The following LRRN2 variants were observed in gnomAD, a reference collection of about 807,000 sequenced individuals.
LRRN2 encodes leucine rich repeat neuronal 2, also known as leucine-rich repeat neuronal protein 2.
Under a neutral mutation model 35.7 loss-of-function variants are expected in LRRN2, and 10 were observed. The observed-to-expected ratio is 0.28, with a 90% confidence interval of 0.17 to 0.47. LRRN2 has a LOEUF of 0.47. Among genes scored for constraint, LRRN2 ranks in the 20% least tolerant of loss-of-function variants. The probability of loss-of-function intolerance (pLI) is 0.99; values close to 1 mark genes in which losing one functional copy is unlikely to be tolerated. For missense variants in LRRN2, 731 were observed against 940.3 expected (o/e 0.78, Z 2.91); for synonymous variants, 391 against 409.6 (o/e 0.95, Z 0.55).
intron 1 of LRRN2, among the ~76,000 whole-genome samples, chr1:204,677,806 G>C (rs1405524589): frequency 6.6e-6 from 1 of 152,212 alleles, no homozygotes; most frequent in Non-Finnish European, 1.5e-5. Flanking sequence ...CTGGATAATG[G>C]ATTTCCTTCT....
intron 1 of LRRN2, among the ~76,000 whole-genome samples, chr1:204,683,230 C>T (rs912695368): frequency 6.6e-6 from 1 of 152,184 alleles, no homozygotes; most frequent in African/African-American, 2.4e-5. Flanking sequence ...GCAAAGTCAA[C>T]AGTGCATGTG....
intron 1 of LRRN2, among the ~76,000 whole-genome samples, chr1:204,661,559 A>C (rs1402343687): frequency 1.3e-5 from 2 of 152,176 alleles, no homozygotes; most frequent in African/African-American, 2.4e-5. Context: ...GCTGTCGGGA[A>C]TCTGCATCTG....
intron 1 of LRRN2, among the ~76,000 whole-genome samples, chr1:204,630,414 G>C (rs1457197191): frequency 6.6e-6 from 1 of 152,152 alleles, no homozygotes; most frequent in African/African-American, 2.4e-5. Context: ...GAAAGGCCAA[G>C]CCCCTTCTAA....
chr1:204,637,360 G>T (rs567242032), intron 1 of LRRN2, among the ~76,000 whole-genome samples: 1 of 152,294 alleles, frequency 6.6e-6, no homozygotes, highest in East Asian at 1.9e-4. Context: ...CTCAAGCCAG[G>T]GCACATATAG....
At chr1:204,651,278 T>G (rs1668219066) in intron 1 of LRRN2, among the ~76,000 whole-genome samples, 1 of 152,064 alleles carries the variant, frequency 6.6e-6, no homozygotes, top group Non-Finnish European at 1.5e-5. Flanking sequence ...TCAGATAGAG[T>G]CCAGCTGGCT....
intron 1 of LRRN2, among the ~76,000 whole-genome samples, chr1:204,676,011 G>A (rs1668815994): frequency 2.0e-5 from 3 of 152,222 alleles, no homozygotes; most frequent in Admixed American, 2.0e-4. Flanking sequence ...GGGGAGGAAA[G>A]AATGAGGACT....
chr1:204,640,697 C>G (rs950677225), intron 1 of LRRN2, among the ~76,000 whole-genome samples: 4 of 152,144 alleles, frequency 2.6e-5, no homozygotes, highest in African/African-American at 9.7e-5. Context: ...CCATGAGGTT[C>G]TGGGATCTCC....
chr1:204,630,817 C>T (rs895864831), intron 1 of LRRN2, among the ~76,000 whole-genome samples: 6 of 152,086 alleles, frequency 3.9e-5, no homozygotes, highest in Non-Finnish European at 7.4e-5. Flanking sequence ...CTGCTTCCTG[C>T]CTTCCACTCC....
rs11306645 is a variant in LRRN2, at chr1:204,624,755, ACC to A, written c.-226-4539_-226-4538del. Reference sequence around the variant, plus strand: ...TCCTCTCCCTGGCGGTTCCCCCCCCACCCCCCCCCCCGGGAGCTGAGGGTCCA... The same window carrying A: ...TCCTCTCCCTGGCGGTTCCCCCCCCACCCCCCCCCGGGAGCTGAGGGTCCA... On this transcript the variant is annotated intron_variant, in intron 1 of 1. Transcript: ENST00000367177. Among the ~76,000 whole-genome samples the A allele has an allele frequency of 2.1e-3, 222 of 107,616 alleles. 4 individuals carry two copies. Among genetic ancestry groups the A allele is most frequent in the African/African-American group, 5.6e-3 (156 of 27,910 alleles). 70.6% of individuals were successfully genotyped at this position (107,616 alleles called of 152,430 possible).
chr1:204,671,645 A>AGT (rs1558422524), intron 1 of LRRN2, among the ~76,000 whole-genome samples: 214 of 140,494 alleles, frequency 1.5e-3, no homozygotes, highest in African/African-American at 5.5e-3. Flanking sequence ...TTGATGGTAA[A>AGT]AAAAAAAAAA....
At position 204,664,846 on chromosome 1, in the gene LRRN2, C is replaced by T. The variant is rs187841516; in HGVS notation, c.-227+20474G>A. Among the ~76,000 whole-genome samples the T allele has an allele frequency of 1.8e-3, 275 of 152,250 alleles. 1 individual carries two copies. The highest frequency in any genetic ancestry group is 6.2e-3 in the African/African-American group (257 of 41,530). On this transcript the variant is annotated intron_variant, in intron 1 of 1. Transcript: ENST00000367177. The stretch of plus-strand genomic sequence containing the variant: ...CCTCTGGGGTCAGTCCTCTGCCGTC[C>T]GGCAGGCCCATCCTCCACTCCCCAT...
intron 1 of LRRN2, among the ~76,000 whole-genome samples, chr1:204,624,153 C>T (rs914424834): frequency 1.3e-5 from 2 of 152,198 alleles, no homozygotes; most frequent in Non-Finnish European, 2.9e-5. Flanking sequence ...GTCCTCAGCT[C>T]CTCCACGCAC....
intron 1 of LRRN2, among the ~76,000 whole-genome samples, chr1:204,668,735 C>A (rs1471306254): frequency 6.6e-6 from 1 of 152,194 alleles, no homozygotes; most frequent in African/African-American, 2.4e-5. Context: ...ATAATACACA[C>A]CCCAGCTTCC....
At chr1:204,658,573 G>A (rs1668407785) in intron 1 of LRRN2, among the ~76,000 whole-genome samples, 1 of 152,140 alleles carries the variant, frequency 6.6e-6, no homozygotes, top group African/African-American at 2.4e-5. Context: ...GGACAGACAT[G>A]GGGTGACATG....
rs779618377 is a variant in LRRN2, at chr1:204,618,328, G to A, written c.1665C>T (p.Asn555=). The change falls in exon 2 of 2, where the codon AAC becomes AAT. Residue 555 remains asparagine (N), a synonymous_variant. Transcript: ENST00000367177. Reference sequence around the variant, plus strand: ...GGGAGGAGGCACTGGACCAGGTGAGGTTGGTGGACACTGTGTTGGGTGGGG... The same window carrying A: ...GGGAGGAGGCACTGGACCAGGTGAGATTGGTGGACACTGTGTTGGGTGGGG... ...WVTPPNTVST[N]LTWSSASSLR... The A allele has an allele frequency of 9.4e-6, 15 of 1,594,258 alleles. No homozygotes were observed. The highest frequency in any genetic ancestry group is 1.3e-5 in the Non-Finnish European group (15 of 1,169,536).
intron 1 of LRRN2, among the ~76,000 whole-genome samples, chr1:204,665,012 A>G (rs555861533): frequency 6.6e-6 from 1 of 152,092 alleles, no homozygotes; most frequent in Non-Finnish European, 1.5e-5. Context: ...CCTAAATCAG[A>G]CACGTCACCC....
chr1:204,661,952 T>C lies in LRRN2; in HGVS notation c.-227+23368A>G, dbSNP rs1668481912. Among the ~76,000 whole-genome samples the C allele has an allele frequency of 2.0e-5, 3 of 152,182 alleles. No homozygotes were observed. The South Asian group carries it at 6.2e-4, about 31-fold the overall frequency. ...CCTGGGCACCCTGCCCCAGGATGGC[T>C]GGGCAAACCTCATGGAGTGGCTTTG... On this transcript the variant is annotated intron_variant, in intron 1 of 1. Coordinates refer to ENST00000367177, the MANE Select transcript of LRRN2 (RefSeq NM_201630.2).
chr1:204,637,396 G>A (rs1237050082), intron 1 of LRRN2, among the ~76,000 whole-genome samples: 1 of 152,226 alleles, frequency 6.6e-6, no homozygotes, highest in East Asian at 1.9e-4. Flanking sequence ...CAGTGCACCA[G>A]GGGAGAGGGT....
chr1:204,661,684 A>T (rs901429459), intron 1 of LRRN2, among the ~76,000 whole-genome samples: 2 of 152,156 alleles, frequency 1.3e-5, no homozygotes, highest in African/African-American at 4.8e-5. Flanking sequence ...TCCTGCTGGG[A>T]GCCATGAGGG....
Sources: allele counts gnomAD v4.1 joint callset (sites outside exome capture counted in the v4.1 genomes callset), GRCh38; gene constraint gnomAD v4.1.1; transcripts MANE v1.5; gene names NCBI Gene and HGNC (gene_info 2026-07-23, HGNC 2026-07-21).